TRAPPC9: variants seen among roughly 807,000 people sequenced by gnomAD.
TRAPPC9 encodes IKK2 binding protein.
In TRAPPC9, 83 loss-of-function variants were observed where a neutral mutation model predicts 124.0. The ratio of observed to expected loss-of-function variants is 0.67; its 90% CI spans 0.56 to 0.80. The LOEUF (loss-of-function observed/expected upper bound fraction) is 0.80, where lower values mean the gene tolerates loss of function less well. TRAPPC9 is among the 30% of genes least tolerant of loss of function. The probability of loss-of-function intolerance (pLI) is 0.00; values close to 1 mark genes in which losing one functional copy is unlikely to be tolerated. For synonymous variants in TRAPPC9, 638 were observed against 617.5 expected (o/e 1.03, Z -0.49); for missense variants, 1,302 against 1,508.3 (o/e 0.86, Z 2.27).
chr8:139,974,898 T>C (rs926925454), intron 19 of TRAPPC9, among the ~76,000 whole-genome samples: 1 of 152,084 alleles, frequency 6.6e-6, no homozygotes, highest in Non-Finnish European at 1.5e-5. Flanking sequence ...GCTGTAGCTC[T>C]GCCGAGGGCA....
At chr8:140,269,357 C>G (rs878971425) in intron 15 of TRAPPC9, among the ~76,000 whole-genome samples, 1 of 151,782 alleles carries the variant, frequency 6.6e-6, no homozygotes. Context: ...CTGGCTAACA[C>G]GGTGAAACCC....
chr8:139,790,715 G>A (rs149739637), intron 21 of TRAPPC9, among the ~76,000 whole-genome samples: 25 of 152,300 alleles, frequency 1.6e-4, no homozygotes, highest in South Asian at 6.2e-4. Flanking sequence ...CCAAATGTCC[G>A]TCTGTCCAGG....
At chr8:139,886,840 G>A (rs1181254014) in intron 20 of TRAPPC9, among the ~76,000 whole-genome samples, 1 of 152,198 alleles carries the variant, frequency 6.6e-6, no homozygotes, top group Non-Finnish European at 1.5e-5. Context: ...TCTGGTGAAG[G>A]CAGCAACGTA....
intron 11 of TRAPPC9, 83 bp downstream of exon 11, chr8:140,300,386 C>A: frequency 6.3e-7 from 1 of 1,588,496 alleles, no homozygotes; most frequent in Non-Finnish European, 8.6e-7. Context: ...TGAACTGGCT[C>A]AAAATGCTGT....
chr8:140,263,093 C>T (rs927999244), intron 15 of TRAPPC9, among the ~76,000 whole-genome samples: 2 of 152,334 alleles, frequency 1.3e-5, no homozygotes, highest in East Asian at 1.9e-4. Context: ...GTGCCCGATA[C>T]GATGGCCACC....
At position 140,287,677 on chromosome 8, in the gene TRAPPC9, C is replaced by G. The variant is rs1286155008; in HGVS notation, c.1912G>C (p.Ala638Pro). Residue 638 changes from alanine to proline, a missense_variant, in exon 13 of 23, where the codon GCT becomes CCT. By Grantham distance (27) the Ala-to-Pro change is conservative (BLOSUM62 -1). This residue lies in a region of TRAPPC9 where 640 missense variants were observed against 679.3 expected (regional missense o/e 0.94). Coordinates refer to ENST00000438773, the MANE Select transcript of TRAPPC9 (RefSeq NM_001160372.4). ...ESLPAALSLP[A>P]ESGLYPVTLV... The stretch of plus-strand genomic sequence containing the variant: ...GTCACTGGGTACAGACCAGATTCAG[C>G]CGGAAGAGAAAGCGCCGCAGGGAGA... 6.2e-7 allele frequency: 1 copy of G among 1,614,194 alleles called. No individual in the cohort carries two copies. The highest frequency in any genetic ancestry group is 8.5e-7 in the Non-Finnish European group (1 of 1,180,032).
chr8:140,133,696 AT>A (rs1182327805), intron 17 of TRAPPC9, among the ~76,000 whole-genome samples: 5 of 152,250 alleles, frequency 3.3e-5, no homozygotes, highest in African/African-American at 1.2e-4. Context: ...GAGCTAATAA[AT>A]TCAGGTAAGT....
At chr8:139,770,476 G>A (rs1311627733) in intron 21 of TRAPPC9, among the ~76,000 whole-genome samples, 1 of 152,216 alleles carries the variant, frequency 6.6e-6, no homozygotes, top group Non-Finnish European at 1.5e-5. Context: ...GGTTCACAAA[G>A]GTTCCACAGG....
chr8:140,422,613 G>T (rs546088246), intron 5 of TRAPPC9, among the ~76,000 whole-genome samples: 2 of 151,986 alleles, frequency 1.3e-5, no homozygotes, highest in South Asian at 4.2e-4. Context: ...AATTAGCCGG[G>T]CGTGGTGGCA....
chr8:140,020,412 G>T (rs1184992973), intron 18 of TRAPPC9, among the ~76,000 whole-genome samples: 1 of 152,136 alleles, frequency 6.6e-6, no homozygotes, highest in African/African-American at 2.4e-5. Flanking sequence ...GATTGCTTGA[G>T]GCCAGGGGTT....
intron 17 of TRAPPC9, among the ~76,000 whole-genome samples, chr8:140,178,847 T>A (rs1166230461): frequency 6.6e-6 from 1 of 152,178 alleles, no homozygotes; most frequent in Non-Finnish European, 1.5e-5. Flanking sequence ...ATTGGTGATG[T>A]GCATCTTTCA....
intron 17 of TRAPPC9, among the ~76,000 whole-genome samples, chr8:140,140,037 C>T (rs2061360334): frequency 6.6e-6 from 1 of 152,192 alleles, no homozygotes; most frequent in African/African-American, 2.4e-5. Context: ...CCAGTGAAGG[C>T]AGGACCACAA....
chr8:139,787,719 C>T (rs370383649), intron 21 of TRAPPC9, among the ~76,000 whole-genome samples: 2 of 152,250 alleles, frequency 1.3e-5, no homozygotes, highest in East Asian at 1.9e-4. Flanking sequence ...TTTCAACGTC[C>T]CTGTCCGGGG....
chr8:139,953,157 A>C (rs1834753174), intron 19 of TRAPPC9, among the ~76,000 whole-genome samples: 1 of 152,168 alleles, frequency 6.6e-6, no homozygotes, highest in South Asian at 2.1e-4. Flanking sequence ...CAACTAACAA[A>C]ATGGATCATT....
intron 19 of TRAPPC9, among the ~76,000 whole-genome samples, chr8:139,953,785 G>A (rs1036231778): frequency 3.9e-5 from 6 of 152,096 alleles, no homozygotes; most frequent in African/African-American, 1.4e-4. Flanking sequence ...CAGACGGCAA[G>A]CAGACATATA....
chr8:140,200,719 C>T (rs1460896280), intron 17 of TRAPPC9, among the ~76,000 whole-genome samples: 1 of 152,020 alleles, frequency 6.6e-6, no homozygotes, highest in African/African-American at 2.4e-5. Context: ...TAAGAAGACC[C>T]GGAGGATAGA....
chr8:139,759,704 C>T (rs749670314), intron 21 of TRAPPC9, among the ~76,000 whole-genome samples: 15 of 152,288 alleles, frequency 9.8e-5, no homozygotes, highest in African/African-American at 1.9e-4. Context: ...ACACGGGGGC[C>T]GGGCTCCCCT....
chr8:140,089,757 G>A (rs1249518687), intron 17 of TRAPPC9, among the ~76,000 whole-genome samples: 2 of 152,208 alleles, frequency 1.3e-5, no homozygotes, highest in Admixed American at 6.5e-5. Context: ...GAGTAGGCTG[G>A]TAGACCTTCT....
chr8:139,732,236 T>C, intron 21 of TRAPPC9, 34 bp from the exon 22 acceptor site: 1 of 1,523,018 alleles, frequency 6.6e-7, no homozygotes, highest in Non-Finnish European at 8.8e-7. Flanking sequence ...GGGGCTGGGC[T>C]GGCCTGCACG....
Sources: allele counts gnomAD v4.1 joint callset (sites outside exome capture counted in the v4.1 genomes callset), GRCh38; gene constraint gnomAD v4.1.1; regional missense constraint gnomAD v4.1.1; transcripts MANE v1.5; gene names NCBI Gene and HGNC (gene_info 2026-07-23, HGNC 2026-07-21).